The following SMAD5 variants were observed in gnomAD, a reference collection of about 807,000 sequenced individuals.
The protein encoded by SMAD5 is MAD, mothers against decapentaplegic homolog 5.
A neutral mutation model predicts 43.1 loss-of-function variants in SMAD5; 9 were observed. That is an observed-to-expected ratio of 0.21 (90% CI 0.13 to 0.36). SMAD5 has a LOEUF of 0.36. SMAD5 is among the 10% of genes least tolerant of loss of function. The probability of loss-of-function intolerance (pLI) is 1.00; values close to 1 mark genes in which losing one functional copy is unlikely to be tolerated. For missense variants in SMAD5, 348 were observed against 574.0 expected, an observed-to-expected ratio of 0.61 and a Z score of 4.02; for synonymous variants, 190 against 192.4, an observed-to-expected ratio of 0.99 and a Z score of 0.10.
chr5:136,135,878 A>G (rs887598236), intron 1 of SMAD5, among the ~76,000 whole-genome samples: 1 of 152,154 alleles, frequency 6.6e-6, no homozygotes, highest in Non-Finnish European at 1.5e-5. Flanking sequence ...GTCTCTCTGT[A>G]CACTAACCAC....
rs1753315595 is a variant in SMAD5, at chr5:136,147,904, T to G, written c.-172T>G. 6.6e-6 allele frequency: 1 copy of G among 151,802 alleles called. No individual in the cohort carries two copies. The highest frequency in any genetic ancestry group is 2.1e-4 in the South Asian group (1 of 4,830). 9.4% of individuals were successfully genotyped at this position (151,802 alleles called of 1,614,324 possible). On this transcript the variant is annotated splice_region_variant and 5_prime_UTR_variant, in exon 2 of 8. Transcript: ENST00000545279. ...AAATTAAAATGTCCAGAAATCTGCC[T>G]CTGTAAGTAACCTTTTAAGATCATT...
rs796809525 is a variant in SMAD5, at chr5:136,163,185, C to CT, written c.656-86dup. On this transcript the variant is annotated intron_variant, in intron 4 of 7. Transcript: ENST00000545279. ...GTGTGATGTTCAGTAATGAAGCTTGCTGGTAATCTTAAGAATTTTCTAAAG... is the reference window on the plus strand; with the variant it reads ...GTGTGATGTTCAGTAATGAAGCTTGCTTGGTAATCTTAAGAATTTTCTAAAG... 3.9e-5 allele frequency: 45 copies of CT among 1,156,398 alleles called. No individual in the cohort carries two copies. The African/African-American group carries it at 6.0e-4, about 15-fold the overall frequency. The allele number at this position is 1,156,398 out of a possible 1,614,324, so 71.6% of individuals were successfully genotyped here.
chr5:136,149,385 G>A (rs1199655979), intron 2 of SMAD5, among the ~76,000 whole-genome samples: 2 of 151,746 alleles, frequency 1.3e-5, no homozygotes, highest in Admixed American at 1.3e-4. Flanking sequence ...AGCGTTAGTG[G>A]ATACTGTTAA....
At position 136,171,590 on chromosome 5, in the gene SMAD5, T is replaced by A. The variant is rs150439139; in HGVS notation, c.776-844T>A. On this transcript the variant is annotated intron_variant, in intron 5 of 7. Transcript: ENST00000545279. ...CTCCCTTATTTTTTGTTTTTCCATTTTGGAATGGGAACGTCTATCCTGTGT... is the reference window on the plus strand; with the variant it reads ...CTCCCTTATTTTTTGTTTTTCCATTATGGAATGGGAACGTCTATCCTGTGT... Among the ~76,000 whole-genome samples, 10 of 152,288 alleles carry A rather than the reference T, an allele frequency of 6.6e-5. No homozygotes were observed. The East Asian group carries it at 1.7e-3, about 26-fold the overall frequency.
intron 2 of SMAD5, among the ~76,000 whole-genome samples, chr5:136,153,070 C>T (rs1753520803): frequency 6.6e-6 from 1 of 152,056 alleles, no homozygotes; most frequent in South Asian, 2.1e-4. Flanking sequence ...ACCGTGAATA[C>T]AATTTGCATC....
Position 136,153,921 on chromosome 5 carries a change from A to G in SMAD5, c.161A>G (p.Lys54Arg). The change falls in exon 3 of 8, where the codon AAA (lysine) becomes AGA (arginine). Residue 54 changes from lysine (K) to arginine (R), a missense_variant. Transcript: ENST00000545279. ...KKKGAMEELE[K>R]ALSSPGQPSK... ...AAGGGTGCCATGGAGGAACTGGAGA[A>G]AGCCTTGAGCAGTCCAGGACAGCCG... The G allele has an allele frequency of 6.2e-7, 1 of 1,613,996 alleles. No individual in the cohort carries two copies. Among genetic ancestry groups the G allele is most frequent in the Non-Finnish European group, 8.5e-7 (1 of 1,179,912 alleles).
At chr5:136,164,362 A>G (rs1198072527) in intron 5 of SMAD5, among the ~76,000 whole-genome samples, 1 of 152,222 alleles carries the variant, frequency 6.6e-6, no homozygotes, top group East Asian at 1.9e-4. Flanking sequence ...TCTCACCAGC[A>G]AAGTATGAGG....
At chr5:136,170,527 T>G (rs1754181228) in intron 5 of SMAD5, among the ~76,000 whole-genome samples, 1 of 152,192 alleles carries the variant, frequency 6.6e-6, no homozygotes, top group South Asian at 2.1e-4. Flanking sequence ...GTCCTCCGAC[T>G]TCATTCTTCT....
Position 136,181,878 on chromosome 5 carries a change from TTC to T in SMAD5, c.*4400_*4401del, listed in dbSNP as rs1754639015. 6.6e-6 allele frequency: 1 copy of T among 152,188 alleles called. No homozygotes were observed. The highest frequency in any genetic ancestry group is 2.1e-4 in the South Asian group (1 of 4,830). The allele number at this position is 152,188 out of a possible 1,614,324, so 9.4% of individuals were successfully genotyped here. ...AGGGATTTCACACATCAATTTTTAT[TTC>T]TGTTTTGAAGAGCACATGCTATATA... On this transcript the variant is annotated 3_prime_UTR_variant, in exon 8 of 8. Transcript: ENST00000545279.
intron 1 of SMAD5, among the ~76,000 whole-genome samples, chr5:136,144,174 A>G (rs1046842596): frequency 3.9e-5 from 6 of 151,942 alleles, no homozygotes; most frequent in African/African-American, 1.5e-4. Flanking sequence ...TCCTAATGAG[A>G]TTTTAGATTT....
chr5:136,167,442 A>G (rs1230553673), intron 5 of SMAD5, among the ~76,000 whole-genome samples: 1 of 152,118 alleles, frequency 6.6e-6, no homozygotes, highest in African/African-American at 2.4e-5. Flanking sequence ...TCTTTGCCAT[A>G]TAAAACTCAG....
chr5:136,141,724 GATA>G (rs1462201335), intron 1 of SMAD5, among the ~76,000 whole-genome samples: 1 of 152,124 alleles, frequency 6.6e-6, no homozygotes, highest in African/African-American at 2.4e-5. Context: ...TGTACCTTAT[GATA>G]ATCATTTCTG....
chr5:136,151,346 A>G (rs901317036), intron 2 of SMAD5, among the ~76,000 whole-genome samples: 4 of 152,102 alleles, frequency 2.6e-5, no homozygotes, highest in African/African-American at 9.7e-5. Context: ...ATTTTCAATC[A>G]AGTGGTCAGG....
chr5:136,152,319 T>A (rs1485804376), intron 2 of SMAD5, among the ~76,000 whole-genome samples: 1 of 152,140 alleles, frequency 6.6e-6, no homozygotes, highest in East Asian at 1.9e-4. Context: ...TCATGGCTAT[T>A]CACAATACAT....
intron 3 of SMAD5, among the ~76,000 whole-genome samples, chr5:136,158,792 G>A (rs970235815): frequency 2.0e-5 from 3 of 152,112 alleles, no homozygotes; most frequent in Non-Finnish European, 2.9e-5. Flanking sequence ...TCAGCTACTC[G>A]GGAGGCTGAG....
chr5:136,167,363 C>G (rs1754057186), intron 5 of SMAD5, among the ~76,000 whole-genome samples: 1 of 152,114 alleles, frequency 6.6e-6, no homozygotes, highest in African/African-American at 2.4e-5. Flanking sequence ...TCTCTTCCTT[C>G]TCATCTGCAT....
In SMAD5 at chr5:136,164,622, T is replaced by C. The variant is rs571540744; in HGVS notation, c.775+1231T>C. Among the ~76,000 whole-genome samples the C allele has an allele frequency of 5.2e-4, 79 of 152,326 alleles. 1 individual carries two copies. The highest frequency in any genetic ancestry group is 1.9e-4 in the Non-Finnish European group (13 of 68,020). ...TTTGTATATTCTGGATATGAATCCT[T>C]TATCAGATATATGATTTGCAAATAT... On this transcript the variant is annotated intron_variant, in intron 5 of 7. Coordinates refer to ENST00000545279, the MANE Select transcript of SMAD5 (RefSeq NM_005903.7).
At chr5:136,136,844 C>T (rs888669139) in intron 1 of SMAD5, among the ~76,000 whole-genome samples, 11 of 152,144 alleles carry the variant, frequency 7.2e-5, no homozygotes, top group African/African-American at 1.2e-4. Flanking sequence ...TACAGGCACC[C>T]ACCACCACGT....
At position 136,177,512 on chromosome 5, in the gene SMAD5, G is replaced by T; in HGVS notation, c.*32G>T. On this transcript the variant is annotated 3_prime_UTR_variant, in exon 8 of 8. Transcript: ENST00000545279. ...AGTATTCTTTTCAATTATATTGTTA[G>T]TGGACTTGTTTTAATTTTAGAGAAA... 1 of 1,541,468 alleles carries T rather than the reference G, an allele frequency of 6.5e-7. No individual in the cohort carries two copies. The highest frequency in any genetic ancestry group is 1.2e-5 in the South Asian group (1 of 82,924).
Sources: allele counts gnomAD v4.1 joint callset (sites outside exome capture counted in the v4.1 genomes callset), GRCh38; gene constraint gnomAD v4.1.1; transcripts MANE v1.5; gene names NCBI Gene and HGNC (gene_info 2026-07-23, HGNC 2026-07-21).